The following TMEM178B variants were observed in gnomAD, a reference collection of about 807,000 sequenced individuals.
TMEM178B encodes transmembrane protein 178B.
A neutral mutation model predicts 31.0 loss-of-function variants in TMEM178B; 5 were observed. The observed-to-expected ratio is 0.16, with a 90% confidence interval of 0.08 to 0.34. The LOEUF is 0.34. Among genes scored for constraint, TMEM178B ranks in the 10% least tolerant of loss-of-function variants. The pLI, the probability that TMEM178B is intolerant of heterozygous loss-of-function variation, is 1.00. For synonymous variants in TMEM178B, 164 were observed against 164.0 expected, an observed-to-expected ratio of 1.00 and a Z score of 0.00; for missense variants, 275 against 400.3, an observed-to-expected ratio of 0.69 and a Z score of 2.67.
At chr7:141,252,474 G>A (rs915408082) in intron 2 of TMEM178B, among the ~76,000 whole-genome samples, 4 of 152,200 alleles carry the variant, frequency 2.6e-5, no homozygotes, top group Non-Finnish European at 5.9e-5. Flanking sequence ...AACTGGCCAC[G>A]ATGTAGACGT....
rs571447590 is a variant in TMEM178B at position 141,306,800 on chromosome 7, C to T, written c.496+94096C>T. ...CCAAAGTAAACCACACTCATACCTACGTCACACTGCTTGGCCTTCAAGCCA... is the reference window on the plus strand; with the variant it reads ...CCAAAGTAAACCACACTCATACCTATGTCACACTGCTTGGCCTTCAAGCCA... On this transcript the variant is annotated intron_variant, in intron 2 of 3. Transcript: ENST00000565468. Among the ~76,000 whole-genome samples, 202 of 152,244 alleles carry T rather than the reference C, an allele frequency of 1.3e-3. 2 individuals carry two copies. The highest frequency in any genetic ancestry group is 3.9e-3 in the Admixed American group (60 of 15,296).
intron 2 of TMEM178B, among the ~76,000 whole-genome samples, chr7:141,361,273 C>T (rs963661952): frequency 7.2e-5 from 11 of 151,966 alleles, no homozygotes; most frequent in African/African-American, 2.7e-4. Flanking sequence ...CACCATCCCT[C>T]TAGGCTTTAG....
At chr7:141,451,449 T>C (rs1344080281) in intron 3 of TMEM178B, among the ~76,000 whole-genome samples, 1 of 152,214 alleles carries the variant, frequency 6.6e-6, no homozygotes, top group Non-Finnish European at 1.5e-5. Context: ...GACAAGGTAC[T>C]TGGCCACATC....
At chr7:141,373,605 T>C (rs775726912) in intron 2 of TMEM178B, among the ~76,000 whole-genome samples, 1 of 152,070 alleles carries the variant, frequency 6.6e-6, no homozygotes, top group East Asian at 1.9e-4. Context: ...TTCTAAGAAG[T>C]CCCAGTTGAG....
At chr7:141,105,876 C>G (rs1795137227) in intron 1 of TMEM178B, among the ~76,000 whole-genome samples, 1 of 152,014 alleles carries the variant, frequency 6.6e-6, no homozygotes, top group African/African-American at 2.4e-5. Context: ...GGGTGGATCC[C>G]TTGAGCTCAG....
At chr7:141,388,549 C>G (rs1800474500) in intron 2 of TMEM178B, among the ~76,000 whole-genome samples, 1 of 152,174 alleles carries the variant, frequency 6.6e-6, no homozygotes. Context: ...CCTCAGCCTC[C>G]ACACCCATTC....
chr7:141,370,075 A>G (rs117391006), intron 2 of TMEM178B, among the ~76,000 whole-genome samples: 1 of 152,136 alleles, frequency 6.6e-6, no homozygotes. Context: ...TGCCCCAGGT[A>G]GGAGGGTCCT....
At chr7:141,298,209 A>AT (rs1206100240) in intron 2 of TMEM178B, among the ~76,000 whole-genome samples, 3 of 151,628 alleles carry the variant, frequency 2.0e-5, no homozygotes, top group Non-Finnish European at 4.4e-5. Flanking sequence ...GGGTTGTTTG[A>AT]TTTTTTCTTG....
At chr7:141,480,917 G>A (rs900208006), downstream of TMEM178B, among the ~76,000 whole-genome samples, 2 of 152,226 alleles carry the variant, frequency 1.3e-5, no homozygotes, top group Admixed American at 1.3e-4. Flanking sequence ...AAAGGGTGGT[G>A]TATCTCAGCC....
At chr7:141,210,262 C>G (rs939757252) in intron 1 of TMEM178B, among the ~76,000 whole-genome samples, 7 of 152,054 alleles carry the variant, frequency 4.6e-5, no homozygotes, top group African/African-American at 1.7e-4. Context: ...GTCGGGAGTT[C>G]AAGACCAGCC....
chr7:141,092,248 T>G (rs1794893775), intron 1 of TMEM178B, among the ~76,000 whole-genome samples: 1 of 152,136 alleles, frequency 6.6e-6, no homozygotes, highest in South Asian at 2.1e-4. Flanking sequence ...TTTAAGAGAC[T>G]TGGGTGGGCT....
chr7:141,127,011 C>T (rs1795509540), intron 1 of TMEM178B, among the ~76,000 whole-genome samples: 1 of 152,000 alleles, frequency 6.6e-6, no homozygotes, highest in Non-Finnish European at 1.5e-5. Flanking sequence ...GCTGTGTGAC[C>T]CTGTGTATAG....
intron 2 of TMEM178B, among the ~76,000 whole-genome samples, chr7:141,364,107 T>A (rs1799962842): frequency 6.6e-6 from 1 of 152,174 alleles, no homozygotes; most frequent in Non-Finnish European, 1.5e-5. Flanking sequence ...CAGCTTTCCA[T>A]CTTCTAGAAG....
chr7:141,116,294 T>C (rs1012377452), intron 1 of TMEM178B, among the ~76,000 whole-genome samples: 1 of 152,124 alleles, frequency 6.6e-6, no homozygotes, highest in Non-Finnish European at 1.5e-5. Context: ...GCAGAGTATG[T>C]TTCCCTCTGC....
intron 1 of TMEM178B, among the ~76,000 whole-genome samples, chr7:141,121,459 A>G (rs1160589705): frequency 6.6e-6 from 1 of 152,158 alleles, no homozygotes; most frequent in Non-Finnish European, 1.5e-5. Context: ...TGCGGTCTCA[A>G]TTATCCTAGG....
intron 3 of TMEM178B, among the ~76,000 whole-genome samples, chr7:141,437,968 C>T (rs144288486): frequency 5.3e-4 from 81 of 152,312 alleles, no homozygotes; most frequent in African/African-American, 1.9e-3. Context: ...CCTCACCTTT[C>T]GCTCAGAGCT....
chr7:141,174,895 C>T (rs551730142), intron 1 of TMEM178B, among the ~76,000 whole-genome samples: 11 of 152,318 alleles, frequency 7.2e-5, no homozygotes, highest in African/African-American at 2.6e-4. Context: ...CAAAAATTTT[C>T]TCCCATTCTG....
chr7:141,098,906 T>C (rs1795007784), intron 1 of TMEM178B, among the ~76,000 whole-genome samples: 2 of 152,176 alleles, frequency 1.3e-5, no homozygotes, highest in Non-Finnish European at 2.9e-5. Context: ...TCCGATGAAG[T>C]TTACCCTTTT....
intron 3 of TMEM178B, among the ~76,000 whole-genome samples, chr7:141,469,661 G>A (rs903811323): frequency 6.6e-6 from 1 of 152,136 alleles, no homozygotes; most frequent in Non-Finnish European, 1.5e-5. Flanking sequence ...CACGGCAAAT[G>A]CAGAGAAAAG....
Sources: gnomAD v4.1 joint callset for allele counts (sites outside exome capture counted in the v4.1 genomes callset) on GRCh38, gnomAD v4.1.1 for gene constraint, MANE v1.5 for transcripts, NCBI Gene and HGNC (gene_info 2026-07-23, HGNC 2026-07-21) for gene names.